The following ABCA12 variants were observed in gnomAD, a reference collection of about 807,000 sequenced individuals.
The protein encoded by ABCA12 is ATP binding cassette subfamily A member 12.
A neutral mutation model predicts 293.5 loss-of-function variants in ABCA12; 156 were observed. The ratio of observed to expected loss-of-function variants is 0.53; its 90% confidence interval spans 0.47 to 0.61. The LOEUF (loss-of-function observed/expected upper bound fraction) is 0.61. ABCA12 is among the 20% of genes least tolerant of loss of function. The pLI is 0.00. For synonymous variants in ABCA12, 1,063 were observed against 1,108.0 expected, an observed-to-expected ratio of 0.96 and a Z score of 0.81; for missense variants, 2,797 against 3,090.2, an observed-to-expected ratio of 0.91 and a Z score of 2.25.
In ABCA12 at chr2:214,974,802, T is replaced by C; in HGVS notation, c.5444A>G (p.Asn1815Ser). Residue 1815 changes from asparagine to serine, a missense_variant, in exon 35 of 53, where the codon AAC (asparagine) becomes AGC (serine). By Grantham distance (46) the Asn-to-Ser change is conservative (BLOSUM62 1). Coordinates refer to ENST00000272895, the MANE Select transcript of ABCA12 (RefSeq NM_173076.3). ...CAGATCACTGGTGTTCAGACACATG[T>C]TGTCAATTCCAGGGAAGTCCCACAT... is the stretch of plus-strand genomic sequence containing the variant. Reference protein sequence around the residue: ...SAMWDFPGIDNMCLNTSDLQC... With the variant: ...SAMWDFPGIDSMCLNTSDLQC... 6.2e-7 allele frequency: 1 copy of C among 1,614,054 alleles called. No homozygotes were observed. Among genetic ancestry groups the C allele is most frequent in the Non-Finnish European group, 8.5e-7 (1 of 1,179,946 alleles).
intron 52 of ABCA12, 54 bp from the exon 53 acceptor site, chr2:214,932,795 A>C: frequency 7.8e-7 from 1 of 1,278,056 alleles, no homozygotes. Context: ...AAAGGAAAAA[A>C]TAAAGTTAAT....
chr2:215,005,737 C>A (rs1452219745), intron 19 of ABCA12, among the ~76,000 whole-genome samples: 1 of 152,148 alleles, frequency 6.6e-6, no homozygotes, highest in Non-Finnish European at 1.5e-5. Flanking sequence ...ATAATAGGTA[C>A]AATGTATATT....
At chr2:214,961,214 A>C (rs569797091) in intron 39 of ABCA12, among the ~76,000 whole-genome samples, 75 of 152,262 alleles carry the variant, frequency 4.9e-4, no homozygotes, top group Non-Finnish European at 8.7e-4. Context: ...GAGAGAGTGG[A>C]AACTTACCAC....
At chr2:215,047,886 C>G (rs1385118158) in intron 6 of ABCA12, among the ~76,000 whole-genome samples, 1 of 151,808 alleles carries the variant, frequency 6.6e-6, no homozygotes, top group African/African-American at 2.4e-5. Context: ...AACAGACAAC[C>G]TACAGAATGG....
intron 46 of ABCA12, 29 bp downstream of exon 46, chr2:214,949,011 C>T (rs369564041): frequency 1.5e-4 from 228 of 1,536,820 alleles, no homozygotes; most frequent in Non-Finnish European, 1.9e-4. Flanking sequence ...ATGTTGTACT[C>T]GCTAAATTGA....
At chr2:215,101,667 G>C (rs1013609673) in intron 2 of ABCA12, among the ~76,000 whole-genome samples, 2 of 152,086 alleles carry the variant, frequency 1.3e-5, no homozygotes, top group African/African-American at 4.8e-5. Context: ...AAATTAGAGG[G>C]TTATGGCTAA....
chr2:215,135,856 T>A (rs1213964729), intron 1 of ABCA12, among the ~76,000 whole-genome samples: 1 of 152,180 alleles, frequency 6.6e-6, no homozygotes, highest in African/African-American at 2.4e-5. Context: ...CCCACACGTG[T>A]CTTCAAGTCT....
At chr2:214,995,208 T>C (rs1181607265) in intron 23 of ABCA12, among the ~76,000 whole-genome samples, 2 of 152,204 alleles carry the variant, frequency 1.3e-5, no homozygotes, top group Non-Finnish European at 2.9e-5. Flanking sequence ...TTCATTGAGA[T>C]AGCAATTAAC....
At chr2:215,051,542 A>G (rs909584226) in intron 5 of ABCA12, among the ~76,000 whole-genome samples, 1 of 151,870 alleles carries the variant, frequency 6.6e-6, no homozygotes, top group Non-Finnish European at 1.5e-5. Flanking sequence ...AATGTTAAAG[A>G]CATGTCTCAT....
chr2:214,970,372 G>A lies in ABCA12; in HGVS notation c.5591C>T (p.Pro1864Leu), dbSNP rs191670598. 228 of 1,613,156 alleles carry A rather than the reference G, an allele frequency of 1.4e-4. No individual in the cohort carries two copies. The highest frequency in any genetic ancestry group is 3.0e-4 in the Admixed American group (18 of 59,990). The change falls in exon 37 of 53, where the codon CCG becomes CTG. Residue 1864 changes from proline to leucine, a missense_variant. Physicochemically the swap from Pro to Leu is moderately conservative, Grantham distance 98. Around this residue, in one of 3 missense-constraint regions of ABCA12, gnomAD observed 2,130 missense variants for 2,427.0 expected, o/e 0.88. Coordinates refer to ENST00000272895, the MANE Select transcript of ABCA12 (RefSeq NM_173076.3). The stretch of plus-strand genomic sequence containing the variant: ...CTGGGATGAGTAAGTTCTTCTGTGC[G>A]GTGGGGAATAGTTAAATTTAGGACA... ...QECPKFNYSP[P>L]HRRTYSSQVI...
chr2:215,095,491 C>T (rs1296069861), intron 2 of ABCA12, among the ~76,000 whole-genome samples: 5 of 152,136 alleles, frequency 3.3e-5, no homozygotes, highest in Admixed American at 3.3e-4. Flanking sequence ...ACCCCAAAAT[C>T]TTTCTTCAGT....
At position 214,980,742 on chromosome 2, in the gene ABCA12, G is replaced by T. The variant is rs116490037; in HGVS notation, c.4580-99C>A. 40 of 1,459,166 alleles carry T rather than the reference G, an allele frequency of 2.7e-5. No individual in the cohort carries two copies. The African/African-American group carries it at 5.6e-4, about 20-fold the overall frequency. The allele number at this position is 1,459,166 out of a possible 1,614,324, so 90.4% of individuals were successfully genotyped here. ...GAGTAAATCCTGTGACATCTGAGAA[G>T]AGTCACATTTCATGAGCTAACTGAA... On this transcript the variant is annotated intron_variant, in intron 30 of 52. Coordinates refer to ENST00000272895, the MANE Select transcript of ABCA12 (RefSeq NM_173076.3).
chr2:215,034,459 T>C (rs1478180626), intron 8 of ABCA12, among the ~76,000 whole-genome samples: 1 of 152,198 alleles, frequency 6.6e-6, no homozygotes, highest in African/African-American at 2.4e-5. Context: ...AGCATATGGC[T>C]TCCCACAGAA....
rs886055604 is a variant in ABCA12, at chr2:214,932,256, C to T, written c.*378G>A. The T allele has an allele frequency of 4.1e-6, 1 of 244,140 alleles. No homozygotes were observed. Among genetic ancestry groups the T allele is most frequent in the Non-Finnish European group, 8.1e-6 (1 of 123,984 alleles). The allele number at this position is 244,140 out of a possible 1,614,324, so 15.1% of individuals were successfully genotyped here. A position where few individuals can be genotyped will look rare whatever the true frequency, so the allele number is the denominator to read the frequency against. On this transcript the variant is annotated 3_prime_UTR_variant, in exon 53 of 53. Transcript: ENST00000272895. ...CTTGCCCGGTGGCACCTGCCACAAACCATCTGACTTTTCTTCTCCACTCTT... is the reference window on the plus strand; with the variant it reads ...CTTGCCCGGTGGCACCTGCCACAAATCATCTGACTTTTCTTCTCCACTCTT...
intron 2 of ABCA12, among the ~76,000 whole-genome samples, chr2:215,086,007 T>A (rs990542935): frequency 3.3e-5 from 5 of 152,028 alleles, no homozygotes; most frequent in African/African-American, 1.2e-4. Context: ...AGAGGGGAAA[T>A]AAATAATGGG....
At position 214,975,799 on chromosome 2, in the gene ABCA12, C is replaced by A; in HGVS notation, c.5367G>T (p.Gln1789His). 6.2e-7 allele frequency: 1 copy of A among 1,613,874 alleles called. No homozygotes were observed. The highest frequency in any genetic ancestry group is 1.1e-5 in the South Asian group (1 of 90,894). Residue 1789 changes from glutamine to histidine, a missense_variant, in exon 34 of 53, where the codon CAG becomes CAT. This residue lies in a region of ABCA12 where 2,130 missense variants were observed against 2,427.0 expected (regional missense o/e 0.88). Coordinates refer to ENST00000272895, the MANE Select transcript of ABCA12 (RefSeq NM_173076.3). ...ISPSLYGTSE[Q>H]TAFYANYHPS... ...AAGAAACTTACGCATAGAAGGCTGTCTGTTCGGAGGTACCATAAAGAGAGG... is the reference window on the plus strand; with the variant it reads ...AAGAAACTTACGCATAGAAGGCTGTATGTTCGGAGGTACCATAAAGAGAGG...
intron 3 of ABCA12, among the ~76,000 whole-genome samples, chr2:215,063,024 G>A (rs1380679145): frequency 6.6e-6 from 1 of 151,880 alleles, no homozygotes; most frequent in Non-Finnish European, 1.5e-5. Context: ...TTTTTAAATA[G>A]ATTAATAAAT....
In ABCA12 at chr2:215,111,682, T is replaced by C. The variant is rs111329351; in HGVS notation, c.78A>G (p.Thr26=). 65 of 1,612,394 alleles carry C rather than the reference T, an allele frequency of 4.0e-5. 1 individual carries two copies. The Middle Eastern group carries it at 9.9e-4, about 25-fold the overall frequency. ...TGACTGGCCATAAGATCAAGACAAG[T>C]GTCCAAAGCTGCAAAATAATGGTAG... The part of the protein sequence containing the change: ...WLGVKRQPLW[T]LVLILWPVII... Residue 26 remains threonine, a synonymous_variant, in exon 2 of 53, where the codon ACA becomes ACG. Coordinates refer to ENST00000272895, the MANE Select transcript of ABCA12 (RefSeq NM_173076.3).
At chr2:215,005,134 A>T (rs573332813) in intron 19 of ABCA12, among the ~76,000 whole-genome samples, 1 of 152,334 alleles carries the variant, frequency 6.6e-6, no homozygotes, top group South Asian at 2.1e-4. Flanking sequence ...GTTTACAACA[A>T]CACTTTGAGG....
Sources: allele counts gnomAD v4.1 joint callset (sites outside exome capture counted in the v4.1 genomes callset), GRCh38; gene constraint gnomAD v4.1.1; regional missense constraint gnomAD v4.1.1; transcripts MANE v1.5; gene names NCBI Gene and HGNC (gene_info 2026-07-23, HGNC 2026-07-21).